The following RNF217 variants were observed in gnomAD, a reference collection of about 807,000 sequenced individuals.
RNF217 encodes E3 ubiquitin-protein ligase RNF217.
RNF217 carries 31 observed loss-of-function variants against 57.8 expected under a neutral mutation model. The observed-to-expected ratio is 0.54, with a 90% CI of 0.40 to 0.72. RNF217 has a LOEUF of 0.72. Ranked by LOEUF, RNF217 falls within the 30% of genes least tolerant of loss-of-function variation. The probability of loss-of-function intolerance (pLI) is 0.00; values close to 1 mark genes in which losing one functional copy is unlikely to be tolerated. For missense variants in RNF217, 696 were observed against 708.3 expected, an observed-to-expected ratio of 0.98 and a Z score of 0.20; for synonymous variants, 313 against 294.0, an observed-to-expected ratio of 1.06 and a Z score of -0.66.
Position 125,089,023 on chromosome 6 carries a change from T to C in RNF217, c.*6086T>C, listed in dbSNP as rs1404169104. The C allele has an allele frequency of 2.0e-5, 3 of 152,744 alleles. No individual in the cohort carries two copies. The highest frequency in any genetic ancestry group is 7.2e-5 in the African/African-American group (3 of 41,574). The allele number at this position is 152,744 out of a possible 1,614,324, so 9.5% of individuals were successfully genotyped here. A position where few individuals can be genotyped will look rare whatever the true frequency, so the allele number is the denominator to read the frequency against. ...ACTCCTTTCACTGTAATGAAATGAA[T>C]TCAACACTGAACGCACTCCAGAATT... On this transcript the variant is annotated 3_prime_UTR_variant, in exon 6 of 6. Transcript: ENST00000521654.
chr6:124,984,532 A>G (rs1784300247), intron 1 of RNF217, among the ~76,000 whole-genome samples: 1 of 131,198 alleles, frequency 7.6e-6, no homozygotes, highest in Non-Finnish European at 1.6e-5. Flanking sequence ...ACAGACTGAG[A>G]CCCTTTCTCA....
chr6:125,065,117 T>TA lies in RNF217; in HGVS notation c.1281+7017dup, dbSNP rs893584625. 3.7e-4 allele frequency among the ~76,000 whole-genome samples: 56 copies of TA among 150,298 alleles called. 1 individual carries two copies. The highest frequency in any genetic ancestry group is 1.3e-3 in the African/African-American group (54 of 40,580). On this transcript the variant is annotated intron_variant, in intron 3 of 5. Transcript: ENST00000521654. ...GGTGAAACTCCGTCTCTACTAAAAATAAAAAATAAAAGATAAAAAAAAAAT... is the reference window on the plus strand; with the variant it reads ...GGTGAAACTCCGTCTCTACTAAAAATAAAAAAATAAAAGATAAAAAAAAAAT...
chr6:125,016,873 T>C (rs1785632388), intron 1 of RNF217, among the ~76,000 whole-genome samples: 1 of 152,116 alleles, frequency 6.6e-6, no homozygotes, highest in African/African-American at 2.4e-5. Context: ...ATGGCACGCG[T>C]ATACCTATCC....
At chr6:124,992,124 A>G (rs1215316062) in intron 1 of RNF217, among the ~76,000 whole-genome samples, 1 of 152,204 alleles carries the variant, frequency 6.6e-6, no homozygotes, top group Non-Finnish European at 1.5e-5. Flanking sequence ...CAAACAAGCT[A>G]CAAAGTAATG....
intron 1 of RNF217, among the ~76,000 whole-genome samples, chr6:124,979,116 G>A (rs1037945624): frequency 3.9e-5 from 6 of 152,114 alleles, no homozygotes; most frequent in African/African-American, 1.2e-4. Context: ...TGGCAGTTTC[G>A]TTTTCAGGCT....
At chr6:124,997,234 G>C (rs924323424) in intron 1 of RNF217, among the ~76,000 whole-genome samples, 2 of 152,116 alleles carry the variant, frequency 1.3e-5, no homozygotes, top group Non-Finnish European at 2.9e-5. Context: ...AAGAGTTCAC[G>C]GCTCCATGTA....
chr6:125,032,291 A>G (rs186412383), intron 1 of RNF217, among the ~76,000 whole-genome samples: 3 of 152,330 alleles, frequency 2.0e-5, no homozygotes, highest in Admixed American at 2.0e-4. Context: ...TGAGACTAGC[A>G]AATGTATTCA....
At position 124,969,663 on chromosome 6, in the gene RNF217, A is replaced by T. The variant is rs145992160; in HGVS notation, c.882+6237A>T. On this transcript the variant is annotated intron_variant, in intron 1 of 5. Transcript: ENST00000521654. The stretch of plus-strand genomic sequence containing the variant: ...TATGTATTAAATACTTATTACATAC[A>T]AGGCACTGTTTTAGGCTCTGGGGAT... 7.3e-3 allele frequency among the ~76,000 whole-genome samples: 1,115 copies of T among 152,268 alleles called. 16 individuals are homozygous for T. Among genetic ancestry groups the T allele is most frequent in the African/African-American group, 0.025 (1,058 of 41,548 alleles).
chr6:124,962,583 G>C lies in RNF217; in HGVS notation c.39G>C (p.Gly13=). ...AGAGCACGGTGAGCGGCGGCGGCGG[G>C]CCCCAGGAGTCGCAGACCCTGGCCA... is the stretch of plus-strand genomic sequence containing the variant. ...EEQSTVSGGG[G]PQESQTLASG... The change falls in exon 1 of 6, where the codon GGG becomes GGC. Residue 13 remains glycine (G), a synonymous_variant. Coordinates refer to ENST00000521654, the MANE Select transcript of RNF217 (RefSeq NM_001286398.3). The surrounding 1 kb of genome is among the most constrained non-coding windows in gnomAD (Gnocchi z 4.6). 3 of 1,274,916 alleles carry C rather than the reference G, an allele frequency of 2.4e-6. No homozygotes were observed. Among genetic ancestry groups the C allele is most frequent in the Non-Finnish European group, 3.0e-6 (3 of 1,015,516 alleles). The allele number at this position is 1,274,916 out of a possible 1,614,324, so 79.0% of individuals were successfully genotyped here.
chr6:125,038,251 G>A (rs1162513111), intron 1 of RNF217, among the ~76,000 whole-genome samples: 1 of 152,048 alleles, frequency 6.6e-6, no homozygotes, highest in Non-Finnish European at 1.5e-5. Context: ...TTTACACACG[G>A]AGCAGCAAAA....
At chr6:124,965,553 A>G (rs191961920) in intron 1 of RNF217, among the ~76,000 whole-genome samples, 115 of 152,318 alleles carry the variant, frequency 7.5e-4, no homozygotes, top group African/African-American at 2.7e-3. Flanking sequence ...AGCCTGGGCA[A>G]CAGAGTGAGA....
intron 1 of RNF217, among the ~76,000 whole-genome samples, chr6:125,038,733 C>T (rs529634215): frequency 3.8e-4 from 58 of 152,252 alleles, no homozygotes; most frequent in African/African-American, 1.2e-3. Flanking sequence ...GCAGGATTCA[C>T]GGCTTAATTC....
chr6:125,000,934 G>A (rs770601547), intron 1 of RNF217, among the ~76,000 whole-genome samples: 1 of 152,050 alleles, frequency 6.6e-6, no homozygotes, highest in Non-Finnish European at 1.5e-5. Flanking sequence ...TATTTCAAAA[G>A]TATGGAAGTA....
At chr6:124,987,326 T>G (rs1040443199) in intron 1 of RNF217, among the ~76,000 whole-genome samples, 46 of 152,160 alleles carry the variant, frequency 3.0e-4, no homozygotes. Context: ...ATTTTGAAAC[T>G]TTTTTTATTC....
At chr6:125,005,464 A>C in intron 1 of RNF217, among the ~76,000 whole-genome samples, 1 of 152,354 alleles carries the variant, frequency 6.6e-6, no homozygotes, top group Admixed American at 6.5e-5. Flanking sequence ...TGTATTTTGC[A>C]GGCAAGAGAA....
intron 1 of RNF217, chr6:125,006,307 A>G (rs1355663485): frequency 6.6e-6 from 1 of 152,214 alleles, no homozygotes; most frequent in East Asian, 1.9e-4. Flanking sequence ...ATTTCCATTA[A>G]AAGAGTTGTT....
intron 1 of RNF217, among the ~76,000 whole-genome samples, chr6:124,988,380 C>G (rs577695098): frequency 5.8e-4 from 88 of 152,324 alleles, no homozygotes; most frequent in Non-Finnish European, 8.8e-4. Flanking sequence ...GCTAACTCAT[C>G]AAATTACTGG....
intron 1 of RNF217, among the ~76,000 whole-genome samples, chr6:125,029,615 T>C (rs1786261997): frequency 6.6e-6 from 1 of 152,186 alleles, no homozygotes. Context: ...TACTTGCCAA[T>C]TTTGAAAGAC....
Position 124,962,849 on chromosome 6 carries a change from C to T in RNF217, c.305C>T (p.Pro102Leu). ...LTGPLNPQTL[P>L]LQLELEEEEE... The stretch of plus-strand genomic sequence containing the variant: ...GGGCCTCTCAATCCCCAGACCTTGC[C>T]ACTGCAGTTGGAGCTGGAGGAGGAA... The change falls in exon 1 of 6, where the codon CCA becomes CTA. Residue 102 changes from proline to leucine, a missense_variant. Around this residue, in one of 2 missense-constraint regions of RNF217, gnomAD observed 465 missense variants for 386.8 expected, o/e 1.20. Coordinates refer to ENST00000521654, the MANE Select transcript of RNF217 (RefSeq NM_001286398.3). This position sits in a 1 kb window ranked among gnomAD's most constrained non-coding sequence, Gnocchi z 4.6. 1.3e-6 allele frequency: 2 copies of T among 1,598,036 alleles called. No individual in the cohort carries two copies. Among genetic ancestry groups the T allele is most frequent in the African/African-American group, 1.3e-5 (1 of 75,022 alleles).
Sources: gnomAD v4.1 joint callset for allele counts (sites outside exome capture counted in the v4.1 genomes callset) on GRCh38, gnomAD v4.1.1 for gene constraint, gnomAD v4.1.1 regional missense constraint, Gnocchi (gnomAD v3.1) non-coding constraint, MANE v1.5 for transcripts, NCBI Gene and HGNC (gene_info 2026-07-23, HGNC 2026-07-21) for gene names.